Variants in PTPRT observed in about 807,000 individuals in gnomAD.
PTPRT encodes the protein protein tyrosine phosphatase receptor type T.
PTPRT carries 56 observed loss-of-function variants against 176.8 expected under a neutral mutation model. The observed-to-expected ratio is 0.32, with a 90% CI of 0.26 to 0.40. The LOEUF (loss-of-function observed/expected upper bound fraction) is 0.40. PTPRT is among the 10% of genes least tolerant of loss of function. The pLI is 1.00. For synonymous variants in PTPRT, 783 were observed against 739.0 expected (o/e 1.06, Z -0.96); for missense variants, 1,540 against 1,908.2 (o/e 0.81, Z 3.60).
chr20:42,472,571 C>T lies in PTPRT; in HGVS notation c.1154-9G>A, dbSNP rs780128011. On this transcript the variant is annotated splice_polypyrimidine_tract_variant and intron_variant, in intron 7 of 30. Transcript: ENST00000373187. ...TGGGCCATGTACCGGATCTGCAAAACATGCAGGCAAGAAACAAGGGTTCTG... is the reference window on the plus strand; with the variant it reads ...TGGGCCATGTACCGGATCTGCAAAATATGCAGGCAAGAAACAAGGGTTCTG... The T allele has an allele frequency of 6.2e-6, 10 of 1,612,364 alleles. No individual in the cohort carries two copies. Among genetic ancestry groups the T allele is most frequent in the East Asian group, 4.5e-5 (2 of 44,862 alleles).
chr20:42,207,589 A>G (rs1158357163), intron 15 of PTPRT, among the ~76,000 whole-genome samples: 1 of 37,752 alleles, frequency 2.6e-5, no homozygotes, highest in African/African-American at 1.1e-4. Flanking sequence ...GGAAGTTTAG[A>G]GAAAAAAGAA....
chr20:42,874,154 T>G (rs1408815093), intron 2 of PTPRT, among the ~76,000 whole-genome samples: 1 of 152,132 alleles, frequency 6.6e-6, no homozygotes, highest in Non-Finnish European at 1.5e-5. Flanking sequence ...CTCAGCAACG[T>G]CTTCCTCTCC....
intron 9 of PTPRT, among the ~76,000 whole-genome samples, chr20:42,375,480 C>T (rs1207295291): frequency 6.6e-6 from 1 of 152,176 alleles, no homozygotes; most frequent in African/African-American, 2.4e-5. Flanking sequence ...GCCCTTCAGC[C>T]TTCTGCCATA....
At chr20:43,041,106 G>C (rs1394608444) in intron 1 of PTPRT, among the ~76,000 whole-genome samples, 1 of 152,148 alleles carries the variant, frequency 6.6e-6, no homozygotes, top group African/African-American at 2.4e-5. Flanking sequence ...TTCTAATATA[G>C]CTAAAGTTTG....
chr20:42,379,135 T>G (rs1461834166), intron 9 of PTPRT, among the ~76,000 whole-genome samples: 1 of 152,214 alleles, frequency 6.6e-6, no homozygotes, highest in Non-Finnish European at 1.5e-5. Flanking sequence ...CCCAGTCTTA[T>G]GCCTACCACT....
intron 12 of PTPRT, among the ~76,000 whole-genome samples, chr20:42,291,719 T>A (rs17225206): frequency 0.26 from 40,180 of 151,946 alleles, 5,496 homozygotes; most frequent in African/African-American, 0.33. Flanking sequence ...TGCATGGTGC[T>A]GTTGAAGACA....
At chr20:43,143,080 C>T (rs1455731982) in intron 1 of PTPRT, among the ~76,000 whole-genome samples, 1 of 152,160 alleles carries the variant, frequency 6.6e-6, no homozygotes, top group Non-Finnish European at 1.5e-5. Flanking sequence ...TTCCAAGAGA[C>T]CCTGCCCTGC....
At chr20:42,148,698 AC>A (rs980235429) in intron 17 of PTPRT, among the ~76,000 whole-genome samples, 3 of 152,194 alleles carry the variant, frequency 2.0e-5, no homozygotes, top group African/African-American at 7.2e-5. Flanking sequence ...CGGAAGACCA[AC>A]CACAGGCAAG....
At chr20:43,038,321 T>C (rs1314156177) in intron 1 of PTPRT, among the ~76,000 whole-genome samples, 1 of 152,168 alleles carries the variant, frequency 6.6e-6, no homozygotes, top group Non-Finnish European at 1.5e-5. Flanking sequence ...ATAAAAACCA[T>C]AGACAATTAA....
At chr20:42,108,085 A>G (rs567774419) in intron 23 of PTPRT, among the ~76,000 whole-genome samples, 21 of 152,244 alleles carry the variant, frequency 1.4e-4, no homozygotes, top group Non-Finnish European at 3.1e-4. Context: ...CATATTCACC[A>G]TGCTTTAGTA....
rs1299441440 is a variant in PTPRT, at chr20:42,104,667, T to C, written c.3442A>G (p.Asn1148Asp). The C allele has an allele frequency of 6.3e-7, 1 of 1,594,100 alleles. No homozygotes were observed. Among genetic ancestry groups the C allele is most frequent in the Non-Finnish European group, 8.6e-7 (1 of 1,161,826 alleles). ...AACTCACACACAGGGATGGCAGTGT[T>C]GCCACAGAGGCACGCTTCCAGGATG... ...DAILEACLCG[N>D]TAIPVCEFRS... The change falls in exon 25 of 31, where the codon AAC (asparagine) becomes GAC (aspartate). Residue 1148 changes from asparagine to aspartate, a missense_variant. By Grantham distance (23) the Asn-to-Asp change is conservative. Coordinates refer to ENST00000373187, the MANE Select transcript of PTPRT (RefSeq NM_007050.6).
At chr20:42,203,542 C>T (rs6030047) in intron 15 of PTPRT, among the ~76,000 whole-genome samples, 3,586 of 152,242 alleles carry the variant, frequency 0.024, 134 homozygotes, top group African/African-American at 0.083. Flanking sequence ...CCTCTTTGTC[C>T]TCCAAGGCTC....
intron 2 of PTPRT, among the ~76,000 whole-genome samples, chr20:42,796,297 A>T (rs2145569151): frequency 6.6e-6 from 1 of 152,350 alleles, no homozygotes; most frequent in South Asian, 2.1e-4. Flanking sequence ...GACATACATG[A>T]CTGGTGGATA....
intron 27 of PTPRT, among the ~76,000 whole-genome samples, chr20:42,086,745 A>ATATATATATATATAT (rs1568913226): frequency 6.5e-5 from 3 of 45,994 alleles, no homozygotes; most frequent in African/African-American, 1.8e-4. Flanking sequence ...AAAAAAAAAA[A>ATATATATATATATAT]AAAAAAAAAT....
At chr20:42,780,458 G>T (rs2077198987) in intron 3 of PTPRT, among the ~76,000 whole-genome samples, 159 bp from the exon 4 acceptor site, 1 of 152,146 alleles carries the variant, frequency 6.6e-6, no homozygotes, top group African/African-American at 2.4e-5. Flanking sequence ...AATTGACTGG[G>T]ATTTTCAACA....
At chr20:42,871,348 G>C (rs2145824726) in intron 2 of PTPRT, among the ~76,000 whole-genome samples, 1 of 149,248 alleles carries the variant, frequency 6.7e-6, no homozygotes, top group Non-Finnish European at 1.5e-5. Flanking sequence ...TATTTGTTTT[G>C]TTATTGTTGA....
In PTPRT at chr20:42,771,483, C is replaced by T. The variant is rs1600720031; in HGVS notation, c.636G>A (p.Gln212=). Reference sequence around the variant, plus strand: ...GAGACCACTTCCCACCAGCAATGCACTGAAATGTGGCATTCTGCCCCACAT... The same window carrying T: ...GAGACCACTTCCCACCAGCAATGCATTGAAATGTGGCATTCTGCCCCACAT... The part of the protein sequence containing the change: ...EVNVGQNATF[Q]CIAGGKWSQH... The change falls in exon 5 of 31, where the codon CAG becomes CAA. Residue 212 remains glutamine, a synonymous_variant. Transcript: ENST00000373187. The T allele has an allele frequency of 1.2e-6, 2 of 1,614,048 alleles. No individual in the cohort carries two copies. The highest frequency in any genetic ancestry group is 1.7e-6 in the Non-Finnish European group (2 of 1,180,024).
At chr20:42,895,535 G>A (rs1302637313) in intron 1 of PTPRT, among the ~76,000 whole-genome samples, 3 of 151,976 alleles carry the variant, frequency 2.0e-5, no homozygotes, top group African/African-American at 7.3e-5. Flanking sequence ...CTCAGGATGT[G>A]TACCCCAGAG....
the PTPRT span, among the ~76,000 whole-genome samples, chr20:42,049,013 G>T: frequency 6.6e-6 from 1 of 152,100 alleles, no homozygotes; most frequent in Non-Finnish European, 1.5e-5. Context: ...TAGAGATGGG[G>T]TTTCACCATG....
Sources: allele counts gnomAD v4.1 joint callset (sites outside exome capture counted in the v4.1 genomes callset), GRCh38; gene constraint gnomAD v4.1.1; transcripts MANE v1.5; gene names NCBI Gene and HGNC (gene_info 2026-07-23, HGNC 2026-07-21).